Variants in MKX observed in about 807,000 individuals in gnomAD.
The protein encoded by MKX is homeobox protein Mohawk.
In MKX, 13 loss-of-function variants were observed where a neutral mutation model predicts 36.0. The observed-to-expected ratio is 0.36, with a 90% CI of 0.24 to 0.57. The LOEUF is 0.57. Among genes scored for constraint, MKX ranks in the 20% least tolerant of loss-of-function variants. The probability of loss-of-function intolerance (pLI) is 0.79; values close to 1 mark genes in which losing one functional copy is unlikely to be tolerated. For missense variants in MKX, 458 were observed against 456.4 expected, an observed-to-expected ratio of 1.00 and a Z score of -0.03; for synonymous variants, 176 against 178.3, an observed-to-expected ratio of 0.99 and a Z score of 0.10.
At chr10:27,709,498 G>A (rs973549885) in intron 5 of MKX, among the ~76,000 whole-genome samples, 3 of 152,126 alleles carry the variant, frequency 2.0e-5, no homozygotes, top group East Asian at 1.9e-4. Context: ...TTAATGAGGC[G>A]AACAAACCAG....
chr10:27,706,856 G>C (rs1240551461), intron 5 of MKX, among the ~76,000 whole-genome samples: 1 of 152,120 alleles, frequency 6.6e-6, no homozygotes, highest in African/African-American at 2.4e-5. Context: ...ATCTCTGTAA[G>C]AATATAATAA....
intron 5 of MKX, among the ~76,000 whole-genome samples, chr10:27,724,567 C>T (rs544982290): frequency 6.6e-6 from 1 of 152,260 alleles, no homozygotes; most frequent in African/African-American, 2.4e-5. Flanking sequence ...CAAACTGAGA[C>T]TAATCTATCT....
chr10:27,687,148 A>C (rs950708045), intron 5 of MKX, among the ~76,000 whole-genome samples: 1 of 152,122 alleles, frequency 6.6e-6, no homozygotes, highest in African/African-American at 2.4e-5. Flanking sequence ...CTGGGATTAC[A>C]GGCACGCACC....
chr10:27,723,510 G>A (rs796770573), intron 5 of MKX, among the ~76,000 whole-genome samples: 12 of 152,294 alleles, frequency 7.9e-5, no homozygotes, highest in African/African-American at 2.9e-4. Context: ...ATTAGCAAAG[G>A]CTGTGTGGAT....
At chr10:27,708,575 A>G (rs1233138079) in intron 5 of MKX, among the ~76,000 whole-genome samples, 4 of 152,128 alleles carry the variant, frequency 2.6e-5, no homozygotes, top group African/African-American at 4.8e-5. Context: ...TTTAAAATAA[A>G]AAAATTAGCT....
intron 5 of MKX, among the ~76,000 whole-genome samples, chr10:27,706,240 A>T (rs1462343321): frequency 6.6e-6 from 1 of 150,426 alleles, no homozygotes; most frequent in East Asian, 1.9e-4. Flanking sequence ...ATAATATTCA[A>T]ATATATATAT....
chr10:27,703,724 C>T (rs1186293709), intron 5 of MKX, among the ~76,000 whole-genome samples: 1 of 152,012 alleles, frequency 6.6e-6, no homozygotes, highest in Non-Finnish European at 1.5e-5. Flanking sequence ...CATGGTGAAA[C>T]CCCATCTCTA....
chr10:27,723,285 G>T (rs1834419506), intron 5 of MKX, among the ~76,000 whole-genome samples: 1 of 152,196 alleles, frequency 6.6e-6, no homozygotes, highest in Non-Finnish European at 1.5e-5. Context: ...TTCTAAAAAG[G>T]TCTAAAATAA....
chr10:27,677,530 C>T (rs78695385), intron 5 of MKX, among the ~76,000 whole-genome samples: 1,634 of 152,250 alleles, frequency 0.011, 31 homozygotes, highest in African/African-American at 0.037. Flanking sequence ...GCCCATGAGG[C>T]AGCCAAGCTT....
intron 5 of MKX, among the ~76,000 whole-genome samples, chr10:27,687,846 G>C (rs942016388): frequency 1.3e-5 from 2 of 152,220 alleles, no homozygotes; most frequent in Admixed American, 6.5e-5. Context: ...GGATGAGAAA[G>C]AGGGTCTGGA....
At chr10:27,697,839 C>T (rs911692469) in intron 5 of MKX, among the ~76,000 whole-genome samples, 1 of 152,052 alleles carries the variant, frequency 6.6e-6, no homozygotes, top group Non-Finnish European at 1.5e-5. Context: ...GGAGCAATGG[C>T]AGGGATAAGG....
chr10:27,738,234 C>T (rs10508728), intron 3 of MKX, among the ~76,000 whole-genome samples: 22,080 of 151,906 alleles, frequency 0.15, 2,187 homozygotes, highest in Middle Eastern at 0.24. Flanking sequence ...CAGCTAGATA[C>T]ACTCCAAGGT....
chr10:27,722,692 G>T (rs1485208747), intron 5 of MKX, among the ~76,000 whole-genome samples: 2 of 152,162 alleles, frequency 1.3e-5, no homozygotes, highest in Admixed American at 6.5e-5. Flanking sequence ...GAAAACTGGG[G>T]CCCTACAAAG....
At chr10:27,729,982 T>C (rs1427864172) in intron 5 of MKX, among the ~76,000 whole-genome samples, 1 of 151,814 alleles carries the variant, frequency 6.6e-6, no homozygotes, top group Non-Finnish European at 1.5e-5. Context: ...ACCTGGGGGC[T>C]AGAGGCTTGG....
chr10:27,683,564 CG>C (rs1419503750), intron 5 of MKX, among the ~76,000 whole-genome samples: 2 of 152,174 alleles, frequency 1.3e-5, no homozygotes, highest in Non-Finnish European at 2.9e-5. Context: ...ATTAAAAATC[CG>C]GGGCCTGTGA....
intron 3 of MKX, among the ~76,000 whole-genome samples, chr10:27,738,424 C>T (rs1208422867): frequency 1.3e-5 from 2 of 151,916 alleles, no homozygotes; most frequent in Non-Finnish European, 2.9e-5. Context: ...TTCGGGTTGT[C>T]GTTCATATTC....
At position 27,672,906 on chromosome 10, in the gene MKX, C is replaced by G. The variant is rs946626226; in HGVS notation, c.*2323G>C. ...CTAGAAATTAACTTTTATTTTAAAT[C>G]TGTCAAGAACTCCTGGCAGTTATTA... On this transcript the variant is annotated 3_prime_UTR_variant, in exon 7 of 7. Coordinates refer to ENST00000419761, the MANE Select transcript of MKX (RefSeq NM_173576.3). The G allele has an allele frequency of 2.6e-5, 4 of 152,166 alleles. No homozygotes were observed. The highest frequency in any genetic ancestry group is 5.9e-5 in the Non-Finnish European group (4 of 68,026). The allele number at this position is 152,166 out of a possible 1,614,324, so 9.4% of individuals were successfully genotyped here. A position where few individuals can be genotyped will look rare whatever the true frequency, so the allele number is the denominator to read the frequency against.
Position 27,711,498 on chromosome 10 carries a change from CT to C in MKX, c.838+22957del, listed in dbSNP as rs1305677228. Among the ~76,000 whole-genome samples the C allele has an allele frequency of 6.0e-3, 318 of 52,890 alleles. 3 individuals are homozygous for C. Among genetic ancestry groups the C allele is most frequent in the African/African-American group, 0.018 (140 of 7,808 alleles). The allele number at this position is 52,890 out of a possible 152,430, so 34.7% of individuals were successfully genotyped here. The stretch of plus-strand genomic sequence containing the variant: ...TTCTTTCTTTCTCTCTCTCTCTCTT[CT>C]TTCCTTCCTTCCTTCCTTCCTTCCT... On this transcript the variant is annotated intron_variant, in intron 5 of 6. Transcript: ENST00000419761.
At chr10:27,710,218 A>G (rs1462773804) in intron 5 of MKX, among the ~76,000 whole-genome samples, 1 of 152,220 alleles carries the variant, frequency 6.6e-6, no homozygotes, top group Non-Finnish European at 1.5e-5. Flanking sequence ...CAGAGATGCC[A>G]TAGTTTCCTA....
Sources: gnomAD v4.1 joint callset for allele counts (sites outside exome capture counted in the v4.1 genomes callset) on GRCh38, gnomAD v4.1.1 for gene constraint, MANE v1.5 for transcripts, NCBI Gene and HGNC (gene_info 2026-07-23, HGNC 2026-07-21) for gene names.